The following DRAM2 variants were observed in gnomAD, a reference collection of about 807,000 sequenced individuals.
DRAM2 encodes the protein DNA damage regulated autophagy modulator 2.
A neutral mutation model predicts 33.5 loss-of-function variants in DRAM2; 26 were observed. The ratio of observed to expected loss-of-function variants is 0.78; its 90% CI spans 0.57 to 1.08. DRAM2 has a LOEUF of 1.08. DRAM2 is among the 50% of genes least tolerant of loss of function. DRAM2 has a pLI of 0.00. For synonymous variants in DRAM2, 98 were observed against 109.5 expected (o/e 0.89, Z 0.66); for missense variants, 311 against 318.1 (o/e 0.98, Z 0.17).
chr1:111,138,392 A>C lies in DRAM2; in HGVS notation c.-78-806T>G, dbSNP rs557403815. Among the ~76,000 whole-genome samples, 166 of 152,380 alleles carry C rather than the reference A, an allele frequency of 1.1e-3. 3 individuals carry two copies. The highest frequency in any genetic ancestry group is 3.4e-3 in the Middle Eastern group (1 of 294). On this transcript the variant is annotated intron_variant, in intron 2 of 9. Transcript: ENST00000484310. ...GCATTGCTGAGTAATTGCCAAACCAACAAAATTAGAATTTCAATGATTCAT... is the reference window on the plus strand; with the variant it reads ...GCATTGCTGAGTAATTGCCAAACCACCAAAATTAGAATTTCAATGATTCAT...
chr1:111,129,356 G>A (rs1240511527), intron 4 of DRAM2, among the ~76,000 whole-genome samples: 1 of 152,050 alleles, frequency 6.6e-6, no homozygotes, highest in Non-Finnish European at 1.5e-5. Context: ...ATACTTTCAG[G>A]GGTGGACCTA....
intron 4 of DRAM2, among the ~76,000 whole-genome samples, chr1:111,128,850 G>GATGCT (rs1404188903): frequency 6.6e-6 from 1 of 152,128 alleles, no homozygotes; most frequent in Non-Finnish European, 1.5e-5. Flanking sequence ...AAGCAGACAA[G>GATGCT]TTCTCAGATG....
intron 4 of DRAM2, 83 bp from the exon 5 acceptor site, chr1:111,126,377 G>T: frequency 2.6e-6 from 2 of 781,662 alleles, no homozygotes; most frequent in Non-Finnish European, 4.4e-6. Context: ...AATATCAGGA[G>T]TTAATTCAAA....
chr1:111,138,778 A>G (rs1240634669), intron 2 of DRAM2, among the ~76,000 whole-genome samples: 2 of 152,228 alleles, frequency 1.3e-5, no homozygotes, highest in African/African-American at 4.8e-5. Flanking sequence ...GCGATACTCC[A>G]TTAAAAAAAA....
chr1:111,129,739 A>C (rs1651692631), intron 4 of DRAM2, among the ~76,000 whole-genome samples: 2 of 152,208 alleles, frequency 1.3e-5, no homozygotes, highest in Non-Finnish European at 2.9e-5. Context: ...ACAGCCAAAA[A>C]AAAGGGAAGG....
intron 4 of DRAM2, among the ~76,000 whole-genome samples, chr1:111,130,734 A>G (rs663034): frequency 0.69 from 101,990 of 148,478 alleles, 35,492 homozygotes; most frequent in African/African-American, 0.81. Flanking sequence ...AGTGGCTCAC[A>G]CCTGTTAATT....
rs754851941 is a variant in DRAM2, at chr1:111,119,860, A to G, written c.600+17T>C. On this transcript the variant is annotated intron_variant, in intron 8 of 9. Coordinates refer to ENST00000484310, the MANE Select transcript of DRAM2 (RefSeq NM_001349884.2). ...ATCTTTAATATAAAACTAAGTTTAT[A>G]GACTGTAAGTTCTTACTTTGTCCTC... 14 of 1,600,186 alleles carry G rather than the reference A, an allele frequency of 8.7e-6. No individual in the cohort carries two copies. Among genetic ancestry groups the G allele is most frequent in the Non-Finnish European group, 1.1e-5 (13 of 1,168,552 alleles).
At chr1:111,125,227 C>G (rs629895) in intron 5 of DRAM2, among the ~76,000 whole-genome samples, 37,840 of 152,014 alleles carry the variant, frequency 0.25, 5,846 homozygotes, top group African/African-American at 0.42. Context: ...AACTACTGAT[C>G]CCTCCAGTGA....
chr1:111,138,512 G>T (rs1425281327), intron 2 of DRAM2, among the ~76,000 whole-genome samples: 1 of 152,230 alleles, frequency 6.6e-6, no homozygotes, highest in African/African-American at 2.4e-5. Flanking sequence ...CAGGCCGGGG[G>T]CGGTGGCTCT....
chr1:111,120,988 G>A (rs916384412), intron 6 of DRAM2, among the ~76,000 whole-genome samples: 1 of 151,974 alleles, frequency 6.6e-6, no homozygotes, highest in Middle Eastern at 3.2e-3. Flanking sequence ...CCTATTAGGT[G>A]CTAGGCACTG....
rs181950405 is a variant in DRAM2 at position 111,128,626 on chromosome 1, T to C, written c.132-2332A>G. On this transcript the variant is annotated intron_variant, in intron 4 of 9. Coordinates refer to ENST00000484310, the MANE Select transcript of DRAM2 (RefSeq NM_001349884.2). Reference sequence around the variant, plus strand: ...TATAACCTATGCACATTTTCCAATATGCTTTAAATCATCTCTAGATTACTT... The same window carrying C: ...TATAACCTATGCACATTTTCCAATACGCTTTAAATCATCTCTAGATTACTT... Among the ~76,000 whole-genome samples the C allele has an allele frequency of 2.1e-3, 314 of 152,328 alleles. 6 individuals carry two copies. The highest frequency in any genetic ancestry group is 3.5e-4 in the Non-Finnish European group (24 of 68,016).
At chr1:111,133,663 C>T (rs985514436) in intron 3 of DRAM2, among the ~76,000 whole-genome samples, 1 of 152,198 alleles carries the variant, frequency 6.6e-6, no homozygotes, top group Non-Finnish European at 1.5e-5. Context: ...GAGGTTAAGA[C>T]AATTGCCCAA....
At chr1:111,138,793 A>G (rs575854993) in intron 2 of DRAM2, among the ~76,000 whole-genome samples, 77 of 152,310 alleles carry the variant, frequency 5.1e-4, no homozygotes, top group Admixed American at 8.5e-4. Context: ...AAAAAAAGAA[A>G]AGAAAAAGTC....
Position 111,118,210 on chromosome 1 carries a change from G to A in DRAM2, c.751C>T (p.Pro251Ser). 1 of 1,613,154 alleles carries A rather than the reference G, an allele frequency of 6.2e-7. No individual in the cohort carries two copies. Among genetic ancestry groups the A allele is most frequent in the South Asian group, 1.1e-5 (1 of 91,054 alleles). ...GTTCGTTCATTGTTAATAGGGCAAG[G>A]TGCAGTGTCATAGAGGGTTAATCCA... ...LHGLTLYDTA[P>S]CPINNERTRL... The change falls in exon 10 of 10, where the codon CCT (proline) becomes TCT (serine). Residue 251 changes from proline (P) to serine (S), a missense_variant. By Grantham distance (74) the Pro-to-Ser change is moderately conservative. Transcript: ENST00000484310.
intron 3 of DRAM2, among the ~76,000 whole-genome samples, chr1:111,132,863 A>G (rs1557899660): frequency 6.6e-6 from 1 of 151,430 alleles, no homozygotes; most frequent in East Asian, 2.0e-4. Context: ...TATTATTTGT[A>G]GAGATGAGGT....
intron 6 of DRAM2, among the ~76,000 whole-genome samples, chr1:111,123,769 A>G (rs943014058): frequency 2.0e-5 from 3 of 152,058 alleles, no homozygotes; most frequent in Non-Finnish European, 4.4e-5. Flanking sequence ...TTCTCACTCT[A>G]TTCATTCCTG....
intron 4 of DRAM2, among the ~76,000 whole-genome samples, chr1:111,130,146 G>A (rs1421854043): frequency 6.6e-6 from 1 of 152,186 alleles, no homozygotes; most frequent in Non-Finnish European, 1.5e-5. Context: ...TTCATTCGTT[G>A]TGAGATTTCA....
At chr1:111,135,931 AAAC>A (rs1184924592) in intron 3 of DRAM2, among the ~76,000 whole-genome samples, 2 of 152,254 alleles carry the variant, frequency 1.3e-5, no homozygotes, top group Non-Finnish European at 2.9e-5. Context: ...CTATTTCAGT[AAAC>A]AACATTACCA....
rs1226808908 is a variant in DRAM2 at position 111,117,511 on chromosome 1, A to T, written c.*649T>A. 2 of 152,072 alleles carry T rather than the reference A, an allele frequency of 1.3e-5. No homozygotes were observed. Among genetic ancestry groups the T allele is most frequent in the Non-Finnish European group, 2.9e-5 (2 of 67,952 alleles). 9.4% of individuals were successfully genotyped at this position (152,072 alleles called of 1,614,324 possible). A position where few individuals can be genotyped will look rare whatever the true frequency, so the allele number is the denominator to read the frequency against. On this transcript the variant is annotated 3_prime_UTR_variant, in exon 10 of 10. Coordinates refer to ENST00000484310, the MANE Select transcript of DRAM2 (RefSeq NM_001349884.2). ...GACTAAACTTCATGAAACTACTGCA[A>T]GCATGTGTATGATAGACCAATTAGC...
Sources: gnomAD v4.1 joint callset for allele counts (sites outside exome capture counted in the v4.1 genomes callset) on GRCh38, gnomAD v4.1.1 for gene constraint, MANE v1.5 for transcripts, NCBI Gene and HGNC (gene_info 2026-07-23, HGNC 2026-07-21) for gene names.